Variants in HSD17B12 observed in about 807,000 individuals in gnomAD.
The protein encoded by HSD17B12 is hydroxysteroid 17-beta dehydrogenase 12, also known as very-long-chain 3-oxoacyl-CoA reductase.
Under a neutral mutation model 39.3 loss-of-function variants are expected in HSD17B12, and 32 were observed. The observed-to-expected ratio is 0.81, with a 90% confidence interval of 0.61 to 1.09. HSD17B12 has a LOEUF of 1.09. Ranked by LOEUF, HSD17B12 falls within the 50% of genes least tolerant of loss-of-function variation. The pLI, the probability that HSD17B12 is intolerant of heterozygous loss-of-function variation, is 0.00. For synonymous variants in HSD17B12, 150 were observed against 146.7 expected, an observed-to-expected ratio of 1.02 and a Z score of -0.16; for missense variants, 342 against 382.9, an observed-to-expected ratio of 0.89 and a Z score of 0.89.
chr11:43,734,378 G>A (rs1344158958), intron 1 of HSD17B12: 6 of 864,378 alleles, frequency 6.9e-6, no homozygotes, highest in Non-Finnish European at 1.2e-5. Flanking sequence ...GAAAAAGGCG[G>A]CCATCATCTC....
chr11:43,798,414 A>G lies in HSD17B12; in HGVS notation c.378A>G (p.Glu126=). 2.5e-6 allele frequency: 4 copies of G among 1,607,932 alleles called. No individual in the cohort carries two copies. Among genetic ancestry groups the G allele is most frequent in the Non-Finnish European group, 3.4e-6 (4 of 1,175,482 alleles). The change falls in exon 4 of 11, where the codon GAA becomes GAG. Residue 126 remains glutamate (E), a synonymous_variant. Transcript: ENST00000278353. ...DKIKTGLAGL[E]IGILVNNVGM... ...TTAAAACAGGCTTGGCTGGTCTTGA[A>G]ATCGGCATCTTAGGTTTGTATTTTT...
intron 7 of HSD17B12, among the ~76,000 whole-genome samples, chr11:43,834,725 C>T (rs893109408): frequency 1.3e-5 from 2 of 151,906 alleles, no homozygotes. Context: ...GAGGGAATTC[C>T]ATGAGAGAGC....
At chr11:43,825,973 A>G (rs1274666664) in intron 6 of HSD17B12, among the ~76,000 whole-genome samples, 1 of 152,186 alleles carries the variant, frequency 6.6e-6, no homozygotes, top group Non-Finnish European at 1.5e-5. Flanking sequence ...GTCACTTTTG[A>G]GAAGTTAGCT....
chr11:43,571,429 G>A, the HSD17B12 span, among the ~76,000 whole-genome samples: 2 of 152,122 alleles, frequency 1.3e-5, no homozygotes, highest in African/African-American at 4.8e-5. Context: ...TGTCTTTGCT[G>A]AGATCCTCAC....
chr11:43,852,286 T>C (rs574865208), intron 9 of HSD17B12: 1 of 152,270 alleles, frequency 6.6e-6, no homozygotes, highest in South Asian at 2.1e-4. Flanking sequence ...AAGATCAAAG[T>C]AGTCCAATTT....
At chr11:43,768,717 G>A (rs1950620617) in intron 3 of HSD17B12, among the ~76,000 whole-genome samples, 1 of 152,328 alleles carries the variant, frequency 6.6e-6, no homozygotes, top group African/African-American at 2.4e-5. Context: ...GATTTACTGT[G>A]AAGAGTCAAA....
At chr11:43,854,989 T>C (rs1404441707) in intron 10 of HSD17B12, 125 bp downstream of exon 10, 4 of 1,066,636 alleles carry the variant, frequency 3.8e-6, no homozygotes, top group African/African-American at 1.6e-5. Flanking sequence ...ACAAGATATC[T>C]ATATCTTGTT....
chr11:43,579,839 T>C, the HSD17B12 span, among the ~76,000 whole-genome samples: 2 of 151,656 alleles, frequency 1.3e-5, no homozygotes, highest in Non-Finnish European at 2.9e-5. Flanking sequence ...CGAGAGACGT[T>C]TTCTCCGGGC....
At chr11:43,701,356 A>G (rs1026033295) in intron 1 of HSD17B12, among the ~76,000 whole-genome samples, 2 of 152,012 alleles carry the variant, frequency 1.3e-5, no homozygotes, top group South Asian at 4.2e-4. Context: ...CCATTTGTCC[A>G]TTTTTGCTTT....
chr11:43,781,619 G>A (rs1950766592), intron 3 of HSD17B12, among the ~76,000 whole-genome samples: 1 of 151,730 alleles, frequency 6.6e-6, no homozygotes, highest in South Asian at 2.1e-4. Context: ...GAATTCAAAT[G>A]GTAAAACGTT....
intron 1 of HSD17B12, among the ~76,000 whole-genome samples, chr11:43,715,085 C>A (rs1950108392): frequency 6.6e-6 from 1 of 152,178 alleles, no homozygotes; most frequent in South Asian, 2.1e-4. Flanking sequence ...GACAATTTGA[C>A]TTCCTCTTTT....
intron 3 of HSD17B12, among the ~76,000 whole-genome samples, chr11:43,778,501 C>G (rs1447773273): frequency 1.3e-5 from 2 of 151,368 alleles, no homozygotes; most frequent in African/African-American, 2.4e-5. Context: ...CAGCATCATC[C>G]TGATACCAAA....
At chr11:43,610,714 G>A in the HSD17B12 span, among the ~76,000 whole-genome samples, 94 of 152,282 alleles carry the variant, frequency 6.2e-4, no homozygotes, top group African/African-American at 2.2e-3. Flanking sequence ...AGCAGCAGGG[G>A]AAGTCTTTTG....
the HSD17B12 span, among the ~76,000 whole-genome samples, chr11:43,613,175 G>A: frequency 3.9e-5 from 6 of 152,034 alleles, no homozygotes; most frequent in Non-Finnish European, 7.4e-5. Flanking sequence ...AGGCCAAGGC[G>A]GGCAAATCAC....
At chr11:43,745,120 C>A (rs1257114495) in intron 1 of HSD17B12, among the ~76,000 whole-genome samples, 2 of 152,198 alleles carry the variant, frequency 1.3e-5, no homozygotes, top group African/African-American at 4.8e-5. Flanking sequence ...CAAACTCCAA[C>A]AACTGGAGAA....
At chr11:43,773,250 A>C (rs1950667018) in intron 3 of HSD17B12, among the ~76,000 whole-genome samples, 1 of 152,202 alleles carries the variant, frequency 6.6e-6, no homozygotes, top group Admixed American at 6.5e-5. Context: ...AGAATTAAAA[A>C]AATTTTTTTC....
At chr11:43,658,706 C>T in the HSD17B12 span, among the ~76,000 whole-genome samples, 6 of 152,268 alleles carry the variant, frequency 3.9e-5, no homozygotes, top group Non-Finnish European at 7.4e-5. Flanking sequence ...TGCAGAACAG[C>T]GGATATGGGT....
intron 1 of HSD17B12, among the ~76,000 whole-genome samples, chr11:43,719,625 AAAAT>A (rs749710015): frequency 0.033 from 4,332 of 131,130 alleles, 77 homozygotes; most frequent in Non-Finnish European, 0.046. Flanking sequence ...CAAAAAAAAA[AAAAT>A]ATATATATAT....
the HSD17B12 span, among the ~76,000 whole-genome samples, chr11:43,601,102 T>C: frequency 1.3e-5 from 2 of 151,816 alleles, no homozygotes; most frequent in Non-Finnish European, 2.9e-5. Flanking sequence ...TATTTATCTT[T>C]ATTTATTTAT....
Sources: allele counts gnomAD v4.1 joint callset (sites outside exome capture counted in the v4.1 genomes callset), GRCh38; gene constraint gnomAD v4.1.1; transcripts MANE v1.5; gene names NCBI Gene and HGNC (gene_info 2026-07-23, HGNC 2026-07-21).